Variants in ABI2 observed in about 807,000 individuals in gnomAD.
The protein encoded by ABI2 is abelson interactor 2.
Under a neutral mutation model 59.2 loss-of-function variants are expected in ABI2, and 25 were observed. The ratio of observed to expected loss-of-function variants is 0.42; its 90% CI spans 0.31 to 0.59. ABI2 has a LOEUF of 0.59. Among genes scored for constraint, ABI2 ranks in the 20% least tolerant of loss-of-function variants. The pLI, the probability that ABI2 is intolerant of heterozygous loss-of-function variation, is 0.14. For synonymous variants in ABI2, 213 were observed against 235.5 expected (o/e 0.90, Z 0.87); for missense variants, 545 against 681.8 (o/e 0.80, Z 2.23).
chr2:203,354,119 A>G (rs985196081), intron 1 of ABI2, among the ~76,000 whole-genome samples: 1 of 152,108 alleles, frequency 6.6e-6, no homozygotes, highest in Non-Finnish European at 1.5e-5. Flanking sequence ...ATCTCAGTTC[A>G]CTGCAACCTC....
At position 203,427,158 on chromosome 2, in the gene ABI2, T is replaced by G; in HGVS notation, c.1454-19T>G. The G allele has an allele frequency of 6.2e-7, 1 of 1,608,492 alleles. No homozygotes were observed. On this transcript the variant is annotated intron_variant, in intron 11 of 11. Coordinates refer to ENST00000261018, the MANE Select transcript of ABI2 (RefSeq NM_001375670.1). ...ATATTACTGTCTTTCACATCCTGTT[T>G]TGTTTTCTTCCCTCCTAGTTGTGGC...
chr2:203,426,310 G>T (rs2098423714), intron 11 of ABI2, among the ~76,000 whole-genome samples: 1 of 152,092 alleles, frequency 6.6e-6, no homozygotes. Context: ...TGGAGCAAAG[G>T]ATAATTCTTC....
At chr2:203,364,399 A>G (rs2094070970) in intron 1 of ABI2, among the ~76,000 whole-genome samples, 1 of 152,098 alleles carries the variant, frequency 6.6e-6, no homozygotes, top group Non-Finnish European at 1.5e-5. Flanking sequence ...TGGCAGGGAA[A>G]GATACTTGTA....
intron 11 of ABI2, among the ~76,000 whole-genome samples, chr2:203,418,052 A>T (rs1463971526): frequency 6.6e-6 from 1 of 152,206 alleles, no homozygotes; most frequent in Non-Finnish European, 1.5e-5. Flanking sequence ...TGATGCCATG[A>T]CAATAGAAAC....
In ABI2 at chr2:203,427,519, T is replaced by G; in HGVS notation, c.*167T>G. On this transcript the variant is annotated 3_prime_UTR_variant, in exon 12 of 12. Coordinates refer to ENST00000261018, the MANE Select transcript of ABI2 (RefSeq NM_001375670.1). ...AGTATTAAAAACAAAGCAAGCTGAGTCTGAACAAATGGATCTTTCTGCCAT... is the reference window on the plus strand; with the variant it reads ...AGTATTAAAAACAAAGCAAGCTGAGGCTGAACAAATGGATCTTTCTGCCAT... 6.9e-6 allele frequency: 4 copies of G among 576,924 alleles called. No individual in the cohort carries two copies. Among genetic ancestry groups the G allele is most frequent in the Non-Finnish European group, 9.0e-6 (3 of 334,322 alleles). The allele number at this position is 576,924 out of a possible 1,614,324, so 35.7% of individuals were successfully genotyped here.
At chr2:203,346,167 T>A (rs1228692051) in intron 1 of ABI2, among the ~76,000 whole-genome samples, 1 of 151,970 alleles carries the variant, frequency 6.6e-6, no homozygotes, top group East Asian at 1.9e-4. Flanking sequence ...AAAAAATTGC[T>A]TGTAATTCTA....
At chr2:203,382,989 G>C (rs2096236414) in intron 4 of ABI2, among the ~76,000 whole-genome samples, 1 of 152,062 alleles carries the variant, frequency 6.6e-6, no homozygotes, top group South Asian at 2.1e-4. Flanking sequence ...CGTGATAAAA[G>C]AAATTCAACT....
At chr2:203,378,681 C>A (rs2095881876) in intron 2 of ABI2, among the ~76,000 whole-genome samples, 3 of 152,000 alleles carry the variant, frequency 2.0e-5, no homozygotes, top group African/African-American at 7.3e-5. Flanking sequence ...CTGTTACTAC[C>A]AGGTTCTTTT....
rs59111250 is a variant in ABI2 at position 203,420,396 on chromosome 2, CTTTTTT to C, written c.1453+3325_1453+3330del. Among the ~76,000 whole-genome samples, 7 of 140,564 alleles carry C rather than the reference CTTTTTT, an allele frequency of 5.0e-5. No individual in the cohort carries two copies. The Middle Eastern group carries it at 0.011, about 223-fold the overall frequency. 92.2% of individuals were successfully genotyped at this position (140,564 alleles called of 152,430 possible). ...TGTCTTCACAAGACTGTGACAGTCC[CTTTTTT>C]TTTTTTTTTGAGACGGAGTCTTGCT... On this transcript the variant is annotated intron_variant, in intron 11 of 11. Coordinates refer to ENST00000261018, the MANE Select transcript of ABI2 (RefSeq NM_001375670.1).
intron 4 of ABI2, among the ~76,000 whole-genome samples, chr2:203,385,052 C>T (rs1051145558): frequency 9.2e-5 from 14 of 151,636 alleles, no homozygotes; most frequent in Admixed American, 5.9e-4. Flanking sequence ...CCAGGTTGGT[C>T]TCAAACTCCT....
intron 1 of ABI2, among the ~76,000 whole-genome samples, chr2:203,347,344 T>C (rs752452908): frequency 6.6e-6 from 1 of 152,244 alleles, no homozygotes; most frequent in Non-Finnish European, 1.5e-5. Context: ...CACTCATCTT[T>C]TGTGTGAAAT....
At chr2:203,395,119 G>A in intron 6 of ABI2, 1 of 703,060 alleles carries the variant, frequency 1.4e-6, no homozygotes, top group Non-Finnish European at 2.6e-6. Flanking sequence ...CCAAATGTGG[G>A]AAATGTCAGG....
intron 1 of ABI2, among the ~76,000 whole-genome samples, chr2:203,348,232 CTT>C (rs1168451331): frequency 6.6e-6 from 1 of 152,088 alleles, no homozygotes; most frequent in Non-Finnish European, 1.5e-5. Flanking sequence ...CAGAGCGAAA[CTT>C]TGTCTCAAAA....
intron 1 of ABI2, among the ~76,000 whole-genome samples, chr2:203,346,083 G>A (rs928435538): frequency 1.3e-5 from 2 of 151,506 alleles, no homozygotes; most frequent in African/African-American, 4.8e-5. Context: ...TGGGGAGGTG[G>A]TGGTTGCAGT....
intron 1 of ABI2, among the ~76,000 whole-genome samples, chr2:203,356,912 A>G (rs1441462649): frequency 6.6e-6 from 1 of 152,126 alleles, no homozygotes; most frequent in Non-Finnish European, 1.5e-5. Flanking sequence ...TACAGAGTAT[A>G]CTTCACATTG....
At chr2:203,401,994 C>T (rs1559340522) in intron 8 of ABI2, among the ~76,000 whole-genome samples, 1 of 152,054 alleles carries the variant, frequency 6.6e-6, no homozygotes, top group Non-Finnish European at 1.5e-5. Context: ...TTTGAAACCC[C>T]ATCAGATTTT....
chr2:203,420,695 C>G (rs931643860), intron 11 of ABI2, among the ~76,000 whole-genome samples: 1 of 151,972 alleles, frequency 6.6e-6, no homozygotes, highest in African/African-American at 2.4e-5. Flanking sequence ...GCCCAGCCGA[C>G]AGTCCCTTAT....
intron 1 of ABI2, among the ~76,000 whole-genome samples, chr2:203,350,164 T>C (rs1359406479): frequency 1.3e-5 from 2 of 152,156 alleles, no homozygotes; most frequent in African/African-American, 4.8e-5. Flanking sequence ...GTAACCTCTG[T>C]CTCCCGGATT....
chr2:203,329,134 T>C (rs1478599395), intron 1 of ABI2: 1 of 152,302 alleles, frequency 6.6e-6, no homozygotes, highest in African/African-American at 2.4e-5. Context: ...CCTTTCTTAA[T>C]ATTTTATGTT....
Sources: gnomAD v4.1 joint callset for allele counts (sites outside exome capture counted in the v4.1 genomes callset) on GRCh38, gnomAD v4.1.1 for gene constraint, MANE v1.5 for transcripts, NCBI Gene and HGNC (gene_info 2026-07-23, HGNC 2026-07-21) for gene names.